Variants in TSPAN5 observed in about 807,000 individuals in gnomAD.
The protein encoded by TSPAN5 is tetraspanin 5.
Under a neutral mutation model 37.1 loss-of-function variants are expected in TSPAN5, and 10 were observed. The observed-to-expected ratio is 0.27, with a 90% CI of 0.17 to 0.46. TSPAN5 has a LOEUF of 0.46. Among genes scored for constraint, TSPAN5 ranks in the 20% least tolerant of loss-of-function variants. The pLI, the probability that TSPAN5 is intolerant of heterozygous loss-of-function variation, is 1.00. For missense variants in TSPAN5, 195 were observed against 326.6 expected, an observed-to-expected ratio of 0.60 and a Z score of 3.11; for synonymous variants, 110 against 118.9, an observed-to-expected ratio of 0.93 and a Z score of 0.48.
chr4:98,568,317 C>T (rs563007430), intron 1 of TSPAN5, among the ~76,000 whole-genome samples: 5 of 152,134 alleles, frequency 3.3e-5, no homozygotes, highest in African/African-American at 4.8e-5. Context: ...CCAAGGCAGG[C>T]GGATCAAGAG....
intron 1 of TSPAN5, among the ~76,000 whole-genome samples, chr4:98,580,052 C>G (rs1755334610): frequency 6.6e-6 from 1 of 152,152 alleles, no homozygotes; most frequent in Admixed American, 6.5e-5. Context: ...TAGTGATTCT[C>G]TCCATGTTTT....
rs72688438 is a variant in TSPAN5 at position 98,487,529 on chromosome 4, C to G, written c.133-645G>C. On this transcript the variant is annotated intron_variant, in intron 2 of 7. Transcript: ENST00000305798. ...GATCGAGCTAGAAGCTGAAAACTAA[C>G]ACAGCACCCGGTCCGGCTACAAACA... 9.3e-3 allele frequency among the ~76,000 whole-genome samples: 1,408 copies of G among 152,194 alleles called. 12 individuals carry two copies. The highest frequency in any genetic ancestry group is 0.012 in the Non-Finnish European group (827 of 67,996).
At chr4:98,652,763 G>A (rs899480479) in intron 1 of TSPAN5, among the ~76,000 whole-genome samples, 5 of 152,210 alleles carry the variant, frequency 3.3e-5, no homozygotes, top group Non-Finnish European at 7.4e-5. Flanking sequence ...TGTTAAAAAT[G>A]CAGATTGCTT....
intron 1 of TSPAN5, among the ~76,000 whole-genome samples, chr4:98,582,236 G>A (rs766759684): frequency 1.3e-5 from 2 of 152,184 alleles, no homozygotes; most frequent in African/African-American, 4.8e-5. Flanking sequence ...AGCCCCCGAC[G>A]CAACCGCATG....
chr4:98,554,558 T>C (rs1754696056), intron 1 of TSPAN5, among the ~76,000 whole-genome samples: 1 of 152,228 alleles, frequency 6.6e-6, no homozygotes, highest in South Asian at 2.1e-4. Context: ...AATAATAACT[T>C]TTAAAATCTC....
intron 1 of TSPAN5, among the ~76,000 whole-genome samples, chr4:98,653,682 T>C (rs1443973769): frequency 6.6e-6 from 1 of 152,194 alleles, no homozygotes; most frequent in Non-Finnish European, 1.5e-5. Flanking sequence ...ACAACAGTAA[T>C]GATATTCACT....
intron 1 of TSPAN5, among the ~76,000 whole-genome samples, chr4:98,650,787 C>A (rs72900208): frequency 0.035 from 5,381 of 152,206 alleles, 328 homozygotes; most frequent in African/African-American, 0.12. Flanking sequence ...AGGTAAATCA[C>A]AAAATGAGTT....
chr4:98,502,540 A>G (rs900324487), intron 2 of TSPAN5, among the ~76,000 whole-genome samples: 4 of 152,164 alleles, frequency 2.6e-5, no homozygotes, highest in Admixed American at 1.3e-4. Flanking sequence ...CTTTGCTGAT[A>G]AAGGTTCCCA....
intron 1 of TSPAN5, among the ~76,000 whole-genome samples, chr4:98,592,494 GTTACATATGT>G (rs1190723849): frequency 7.5e-6 from 1 of 133,348 alleles, no homozygotes. Context: ...GTGCAGGTTA[GTTACATATGT>G]ATACATGTGC....
chr4:98,612,695 C>A (rs368001763), intron 1 of TSPAN5, among the ~76,000 whole-genome samples: 4 of 152,032 alleles, frequency 2.6e-5, no homozygotes, highest in African/African-American at 7.3e-5. Flanking sequence ...CCGCTCCCCG[C>A]GGGGCTCCCC....
intron 7 of TSPAN5, 119 bp downstream of exon 7, chr4:98,476,070 C>A (rs1752688579): frequency 2.8e-6 from 2 of 703,990 alleles, no homozygotes; most frequent in Non-Finnish European, 5.0e-6. Context: ...TGTTCCTCAG[C>A]CCTCCAATGT....
At chr4:98,642,442 TTATG>T (rs1756976999) in intron 1 of TSPAN5, among the ~76,000 whole-genome samples, 2 of 152,214 alleles carry the variant, frequency 1.3e-5, no homozygotes, top group Admixed American at 1.3e-4. Flanking sequence ...TTTTTTCTGC[TTATG>T]TGTTAGTTTC....
chr4:98,535,908 T>G (rs182799875), intron 1 of TSPAN5, among the ~76,000 whole-genome samples: 5 of 152,220 alleles, frequency 3.3e-5, no homozygotes, highest in Non-Finnish European at 7.3e-5. Context: ...TTCTTTAAAC[T>G]GGTTATTCTA....
At position 98,478,807 on chromosome 4, in the gene TSPAN5, G is replaced by T. The variant is rs372868045; in HGVS notation, c.454C>A (p.Gln152Lys). The change falls in exon 5 of 8, where the codon CAG becomes AAG. Residue 152 changes from glutamine to lysine, a missense_variant. Coordinates refer to ENST00000305798, the MANE Select transcript of TSPAN5 (RefSeq NM_005723.4). ...NLIDFTQEYW[Q>K]CCGAFGADDW... ...TCAGCTCCAAAAGCCCCACAGCACTGCCACTAGAGCAAACAGGAAAGAATT... is the reference window on the plus strand; with the variant it reads ...TCAGCTCCAAAAGCCCCACAGCACTTCCACTAGAGCAAACAGGAAAGAATT... The T allele has an allele frequency of 1.2e-6, 2 of 1,613,528 alleles. No individual in the cohort carries two copies. Among genetic ancestry groups the T allele is most frequent in the Non-Finnish European group, 1.7e-6 (2 of 1,179,974 alleles).
intron 3 of TSPAN5, chr4:98,484,355 C>T (rs778293396): frequency 4.6e-6 from 2 of 435,520 alleles, no homozygotes; most frequent in Admixed American, 2.7e-5. Flanking sequence ...ATCTTTAGAG[C>T]TATTTGGAGT....
chr4:98,529,927 A>G, intron 1 of TSPAN5, among the ~76,000 whole-genome samples: 1 of 152,008 alleles, frequency 6.6e-6, no homozygotes, highest in East Asian at 1.9e-4. Context: ...TAAGATTTTG[A>G]GTATGTTCAA....
intron 1 of TSPAN5, among the ~76,000 whole-genome samples, chr4:98,533,271 C>T (rs1297880756): frequency 6.6e-6 from 1 of 152,070 alleles, no homozygotes. Context: ...ATGGTATCAT[C>T]TCCTGTTTGT....
intron 1 of TSPAN5, among the ~76,000 whole-genome samples, chr4:98,527,031 G>GT (rs1371112556): frequency 2.6e-5 from 4 of 152,244 alleles, no homozygotes; most frequent in Non-Finnish European, 4.4e-5. Flanking sequence ...ATTTTGTACT[G>GT]TTTTTTGCCT....
At chr4:98,637,741 G>C (rs569446097) in intron 1 of TSPAN5, among the ~76,000 whole-genome samples, 1 of 152,200 alleles carries the variant, frequency 6.6e-6, no homozygotes, top group East Asian at 1.9e-4. Flanking sequence ...GTCCCCACTT[G>C]GCTTTCATTA....
Sources: allele counts gnomAD v4.1 joint callset (sites outside exome capture counted in the v4.1 genomes callset), GRCh38; gene constraint gnomAD v4.1.1; transcripts MANE v1.5; gene names NCBI Gene and HGNC (gene_info 2026-07-23, HGNC 2026-07-21).